Variants in CPM observed in about 807,000 individuals in gnomAD.
CPM encodes renal carboxypeptidase.
In CPM, 35 loss-of-function variants were observed where a neutral mutation model predicts 46.4. The observed-to-expected ratio is 0.75, with a 90% CI of 0.58 to 1.00. The LOEUF is 1.00. CPM is among the 50% of genes least tolerant of loss of function. CPM has a pLI of 0.00. For synonymous variants in CPM, 195 were observed against 195.3 expected (o/e 1.00, Z 0.01); for missense variants, 422 against 530.4 (o/e 0.80, Z 2.01).
At chr12:68,923,785 T>C (rs1036880002) in intron 2 of CPM, among the ~76,000 whole-genome samples, 1 of 152,212 alleles carries the variant, frequency 6.6e-6, no homozygotes. Context: ...TGCAGATTGG[T>C]TTGGCTCTTT....
At chr12:68,888,578 AC>A (rs1449681165) in intron 2 of CPM, among the ~76,000 whole-genome samples, 1 of 152,232 alleles carries the variant, frequency 6.6e-6, no homozygotes, top group African/African-American at 2.4e-5. Flanking sequence ...TTTACTTTTC[AC>A]AACCTGACTG....
chr12:68,962,998 A>G (rs949396276), intron 1 of CPM, among the ~76,000 whole-genome samples: 6 of 152,232 alleles, frequency 3.9e-5, no homozygotes, highest in African/African-American at 1.4e-4. Context: ...GTATAAAACA[A>G]AGTCGTGGCC....
At chr12:68,927,265 G>A (rs1385856001) in intron 2 of CPM, among the ~76,000 whole-genome samples, 1 of 151,270 alleles carries the variant, frequency 6.6e-6, no homozygotes, top group African/African-American at 2.4e-5. Context: ...TCTAACTGGT[G>A]TGAGATGGTA....
intron 1 of CPM, among the ~76,000 whole-genome samples, chr12:68,941,170 C>CGTGTGTGTGT (rs370705580): frequency 0.018 from 2,477 of 140,460 alleles, 35 homozygotes; most frequent in South Asian, 0.035. Context: ...GTGCTGAGTA[C>CGTGTGTGTGT]GTGTGTGTGT....
intron 2 of CPM, among the ~76,000 whole-genome samples, chr12:68,910,866 T>C (rs191324379): frequency 6.6e-6 from 1 of 152,260 alleles, no homozygotes; most frequent in Non-Finnish European, 1.5e-5. Context: ...TAAAGAGTGA[T>C]AAAAATGGGT....
intron 2 of CPM, among the ~76,000 whole-genome samples, chr12:68,892,740 T>A (rs1886706944): frequency 6.6e-6 from 1 of 152,068 alleles, no homozygotes; most frequent in South Asian, 2.1e-4. Context: ...ATGCCTGTAA[T>A]CCCAGCTATT....
chr12:68,857,089 C>T (rs1885009020), intron 8 of CPM, among the ~76,000 whole-genome samples: 2 of 152,124 alleles, frequency 1.3e-5, no homozygotes, highest in Middle Eastern at 3.5e-3. Context: ...ATTTTCTCAA[C>T]TTACTAATTT....
intron 2 of CPM, among the ~76,000 whole-genome samples, chr12:68,927,831 C>T (rs1358417377): frequency 6.6e-6 from 1 of 152,106 alleles, no homozygotes; most frequent in Non-Finnish European, 1.5e-5. Context: ...AGGGCCTCTT[C>T]AAGGAGAACT....
intron 2 of CPM, among the ~76,000 whole-genome samples, chr12:68,910,609 G>C (rs1040125787): frequency 6.6e-6 from 1 of 152,052 alleles, no homozygotes; most frequent in Non-Finnish European, 1.5e-5. Context: ...AATCCACTCA[G>C]TTTAAGTATA....
chr12:68,908,079 GC>G (rs1887428805), intron 2 of CPM, among the ~76,000 whole-genome samples: 1 of 152,148 alleles, frequency 6.6e-6, no homozygotes. Flanking sequence ...CCCTGCCTCG[GC>G]CTCCCAAAGT....
intron 5 of CPM, chr12:68,845,259 T>A (rs897223961): frequency 3.3e-5 from 7 of 213,994 alleles, no homozygotes; most frequent in Non-Finnish European, 5.7e-5. Flanking sequence ...TTTGTGATCA[T>A]ATTGTCTACC....
chr12:68,868,736 C>A (rs1885565790), intron 6 of CPM, among the ~76,000 whole-genome samples: 2 of 152,092 alleles, frequency 1.3e-5, no homozygotes, highest in South Asian at 2.1e-4. Context: ...TTTGTTGAGC[C>A]CGCAAAATGG....
At chr12:68,850,615 T>G (rs1324549329), downstream of CPM, 1 of 152,204 alleles carries the variant, frequency 6.6e-6, no homozygotes, top group African/African-American at 2.4e-5. Flanking sequence ...GGAGGCAAAT[T>G]CTTTGTTTAC....
chr12:68,909,146 A>G (rs1311436267), intron 2 of CPM, among the ~76,000 whole-genome samples: 2 of 152,208 alleles, frequency 1.3e-5, no homozygotes, highest in Admixed American at 6.5e-5. Flanking sequence ...GGGTTCAAGC[A>G]ATCATCCAGC....
At chr12:68,875,322 T>A (rs1885899285) in intron 3 of CPM, among the ~76,000 whole-genome samples, 1 of 148,292 alleles carries the variant, frequency 6.7e-6, no homozygotes, top group Non-Finnish European at 1.5e-5. Flanking sequence ...TTGCACTCCA[T>A]CCAGCCTAGG....
chr12:68,857,076 A>C (rs969499131), intron 8 of CPM, among the ~76,000 whole-genome samples: 1 of 152,084 alleles, frequency 6.6e-6, no homozygotes, highest in Admixed American at 6.6e-5. Flanking sequence ...TTCAAGTAGA[A>C]TTATTTTCTC....
At chr12:68,862,323 C>T (rs1401309062) in intron 7 of CPM, among the ~76,000 whole-genome samples, 1 of 138,984 alleles carries the variant, frequency 7.2e-6, no homozygotes, top group Non-Finnish European at 1.6e-5. Flanking sequence ...CAACTTTCAT[C>T]TCCCGGGTTC....
chr12:68,890,898 A>C (rs141082555), intron 2 of CPM, among the ~76,000 whole-genome samples: 12 of 152,360 alleles, frequency 7.9e-5, no homozygotes, highest in Admixed American at 3.9e-4. Context: ...TGTGAAGCAC[A>C]TTCCAGTTTT....
At chr12:68,945,908 A>T (rs1388270407) in intron 1 of CPM, among the ~76,000 whole-genome samples, 1 of 129,286 alleles carries the variant, frequency 7.7e-6, no homozygotes, top group Non-Finnish European at 1.5e-5. Flanking sequence ...GCTGGAGTGC[A>T]GTGGCATGAT....
Sources: gnomAD v4.1 joint callset for allele counts (sites outside exome capture counted in the v4.1 genomes callset) on GRCh38, gnomAD v4.1.1 for gene constraint, MANE v1.5 for transcripts, NCBI Gene and HGNC (gene_info 2026-07-23, HGNC 2026-07-21) for gene names.